The following FKBP5 variants were observed in gnomAD, a reference collection of about 807,000 sequenced individuals.
FKBP5 encodes peptidyl-prolyl cis-trans isomerase FKBP5.
A neutral mutation model predicts 50.5 loss-of-function variants in FKBP5; 23 were observed. The ratio of observed to expected loss-of-function variants is 0.46; its 90% CI spans 0.33 to 0.65. FKBP5 has a LOEUF of 0.65. Ranked by LOEUF, FKBP5 falls within the 30% of genes least tolerant of loss-of-function variation. FKBP5 has a pLI of 0.02. For missense variants in FKBP5, 411 were observed against 553.1 expected (o/e 0.74, Z 2.58); for synonymous variants, 176 against 190.6 (o/e 0.92, Z 0.63).
intron 5 of FKBP5, among the ~76,000 whole-genome samples, chr6:35,614,782 T>C (rs541877568): frequency 2.4e-4 from 37 of 152,188 alleles, no homozygotes; most frequent in African/African-American, 7.9e-4. Flanking sequence ...TGGTGTTGGA[T>C]TGGAACTGGA....
At chr6:35,639,806 A>C (rs1764426504) in intron 2 of FKBP5, among the ~76,000 whole-genome samples, 2 of 152,216 alleles carry the variant, frequency 1.3e-5, no homozygotes, top group South Asian at 4.1e-4. Context: ...CAAAACAAAA[A>C]TTCTTACTTG....
chr6:35,576,926 G>A, intron 10 of FKBP5, 68 bp downstream of exon 10: 2 of 1,564,900 alleles, frequency 1.3e-6, no homozygotes, highest in East Asian at 4.5e-5. Context: ...AGCTGTTCCT[G>A]TCCCCTAAAA....
chr6:35,601,150 CT>C (rs1421118592), intron 5 of FKBP5, among the ~76,000 whole-genome samples: 1 of 152,048 alleles, frequency 6.6e-6, no homozygotes, highest in Non-Finnish European at 1.5e-5. Flanking sequence ...GTGGACTAAT[CT>C]TTTTTTTCCT....
chr6:35,580,495 G>A, intron 8 of FKBP5: 1 of 304,998 alleles, frequency 3.3e-6, no homozygotes, highest in Non-Finnish European at 5.9e-6. Flanking sequence ...AGGCTTCTGG[G>A]CTATGTTCTT....
chr6:35,626,030 C>T (rs1474314964), intron 3 of FKBP5, among the ~76,000 whole-genome samples: 11 of 152,006 alleles, frequency 7.2e-5, no homozygotes, highest in African/African-American at 2.7e-4. Context: ...CCGCCTGCCT[C>T]AGCCTCCCAA....
At chr6:35,649,434 T>G (rs1220506155) in intron 1 of FKBP5, among the ~76,000 whole-genome samples, 1 of 10,364 alleles carries the variant, frequency 9.6e-5, no homozygotes, top group Non-Finnish European at 1.6e-4. Flanking sequence ...GGCTAAAAGG[T>G]TTTTTTTTTT....
intron 5 of FKBP5, among the ~76,000 whole-genome samples, chr6:35,617,212 T>C (rs146568284): frequency 3.9e-5 from 6 of 152,308 alleles, no homozygotes; most frequent in Non-Finnish European, 7.3e-5. Context: ...ACAACAGAAT[T>C]TAAACTGATT....
chr6:35,704,709 A>AT (rs34727090), intron 2 of FKBP5, among the ~76,000 whole-genome samples: 10 of 150,248 alleles, frequency 6.7e-5, no homozygotes, highest in African/African-American at 9.8e-5. Context: ...TGACAATATG[A>AT]TTTTTTTTTT....
chr6:35,657,362 G>A (rs1764984263), intron 1 of FKBP5, among the ~76,000 whole-genome samples: 1 of 152,178 alleles, frequency 6.6e-6, no homozygotes, highest in Admixed American at 6.5e-5. Flanking sequence ...CATTCCTTCT[G>A]GAGGCTCCGG....
In FKBP5 at chr6:35,580,029, A is replaced by T. The variant is rs1461502270; in HGVS notation, c.1026+7T>A. 6.2e-7 allele frequency: 1 copy of T among 1,609,532 alleles called. No individual in the cohort carries two copies. The highest frequency in any genetic ancestry group is 8.5e-7 in the Non-Finnish European group (1 of 1,176,152). ...TAAAGTCCATCTCACAGGAGACACG[A>T]TGTTACCTTGTCACAGCATTCAACA... On this transcript the variant is annotated splice_region_variant and intron_variant, in intron 9 of 10. Coordinates refer to ENST00000357266, the MANE Select transcript of FKBP5 (RefSeq NM_004117.4).
chr6:35,633,632 T>C (rs1764228405), intron 3 of FKBP5, among the ~76,000 whole-genome samples: 2 of 152,084 alleles, frequency 1.3e-5, no homozygotes, highest in Non-Finnish European at 2.9e-5. Context: ...CTAAATACGT[T>C]ATGTTATAGA....
At chr6:35,717,637 G>A (rs1017906994) in intron 2 of FKBP5, among the ~76,000 whole-genome samples, 1 of 152,230 alleles carries the variant, frequency 6.6e-6, no homozygotes, top group Non-Finnish European at 1.5e-5. Flanking sequence ...GTTGTGGGCA[G>A]GCAGGTAGGA....
chr6:35,684,333 CA>C (rs1477792135), intron 1 of FKBP5, among the ~76,000 whole-genome samples: 1 of 151,946 alleles, frequency 6.6e-6, no homozygotes, highest in Non-Finnish European at 1.5e-5. Flanking sequence ...TGTACTCCAC[CA>C]CACCTGGCTA....
chr6:35,644,634 C>A (rs1764580607), intron 1 of FKBP5, among the ~76,000 whole-genome samples: 1 of 152,140 alleles, frequency 6.6e-6, no homozygotes, highest in Non-Finnish European at 1.5e-5. Context: ...AAGGCCAGAA[C>A]AATCGTTCTC....
At chr6:35,615,913 G>A (rs1283360447) in intron 5 of FKBP5, among the ~76,000 whole-genome samples, 1 of 152,136 alleles carries the variant, frequency 6.6e-6, no homozygotes, top group East Asian at 1.9e-4. Context: ...AATGATGAAA[G>A]GCACATCACT....
chr6:35,619,260 TG>T, intron 4 of FKBP5, 50 bp from the exon 5 acceptor site: 1 of 1,246,354 alleles, frequency 8.0e-7, no homozygotes, highest in Non-Finnish European at 1.2e-6. Context: ...TAAAGCCAAC[TG>T]AACATATGTG....
intron 2 of FKBP5, among the ~76,000 whole-genome samples, chr6:35,708,188 C>T (rs1210448854): frequency 1.3e-5 from 2 of 152,222 alleles, no homozygotes; most frequent in African/African-American, 4.8e-5. Flanking sequence ...CTTACAGCAT[C>T]ATTTGTACTG....
At chr6:35,671,194 G>A (rs2151004628) in intron 1 of FKBP5, among the ~76,000 whole-genome samples, 1 of 151,876 alleles carries the variant, frequency 6.6e-6, no homozygotes, top group East Asian at 1.9e-4. Context: ...AGCCAGGGAG[G>A]TAGAAGTTGC....
chr6:35,575,908 G>A lies in FKBP5; in HGVS notation c.1301C>T (p.Ser434Leu). ...EANKAMGKKT[S>L]EGVTNEKGTD... ...TCCTTTTTCATTAGTGACCCCTTCTGAAGTCTTCTTGCCCATTGCTTTATT... is the reference window on the plus strand; with the variant it reads ...TCCTTTTTCATTAGTGACCCCTTCTAAAGTCTTCTTGCCCATTGCTTTATT... Residue 434 changes from serine to leucine, a missense_variant, in exon 11 of 11, where the codon TCA (serine) becomes TTA (leucine). Physicochemically the swap from Ser to Leu is moderately radical, Grantham distance 145. This residue lies in a region of FKBP5 where 88 missense variants were observed against 89.0 expected (regional missense o/e 0.99). Transcript: ENST00000357266. The A allele has an allele frequency of 6.2e-7, 1 of 1,613,896 alleles. No individual in the cohort carries two copies. The highest frequency in any genetic ancestry group is 8.5e-7 in the Non-Finnish European group (1 of 1,179,830).
Sources: gnomAD v4.1 joint callset for allele counts (sites outside exome capture counted in the v4.1 genomes callset) on GRCh38, gnomAD v4.1.1 for gene constraint, gnomAD v4.1.1 regional missense constraint, MANE v1.5 for transcripts, NCBI Gene and HGNC (gene_info 2026-07-23, HGNC 2026-07-21) for gene names.